PRRT4: variants seen among roughly 807,000 people sequenced by gnomAD.
The protein encoded by PRRT4 is proline-rich transmembrane protein 4.
PRRT4 carries 59 observed loss-of-function variants against 55.6 expected under a neutral mutation model. The ratio of observed to expected loss-of-function variants is 1.06; its 90% CI spans 0.86 to 1.32. PRRT4 has a LOEUF of 1.32. PRRT4 is among the 40% of genes most tolerant of loss of function. The pLI, the probability that PRRT4 is intolerant of heterozygous loss-of-function variation, is 0.00. For synonymous variants in PRRT4, 606 were observed against 601.8 expected (o/e 1.01, Z -0.10); for missense variants, 1,217 against 1,222.0 (o/e 1.00, Z 0.06).
exon 5 of PRRT4, chr7:128,352,085 G>T: frequency 8.5e-7 from 1 of 1,171,258 alleles, no homozygotes; most frequent in African/African-American, 1.6e-5. Flanking sequence ...AGGGGCCGCA[G>T]CGGGCGATGC....
chr7:128,357,435 A>C (rs1372810255), intron 4 of PRRT4, among the ~76,000 whole-genome samples: 1 of 152,140 alleles, frequency 6.6e-6, no homozygotes, highest in Non-Finnish European at 1.5e-5. Flanking sequence ...GATACTGTCC[A>C]GACTCATTAA....
rs1172252835 is a variant in PRRT4, at chr7:128,354,574, C to A, written c.878-1896G>T. Among the ~76,000 whole-genome samples, 6 of 144,156 alleles carry A rather than the reference C, an allele frequency of 4.2e-5. No individual in the cohort carries two copies. In the East Asian group the frequency reaches 1.2e-3, roughly 28 times the overall value. 94.6% of individuals were successfully genotyped at this position (144,156 alleles called of 152,430 possible). A position where few individuals can be genotyped will look rare whatever the true frequency, so the allele number is the denominator to read the frequency against. ...GCGAGACTCTGGCTCAAAAAAAACA[C>A]ACACACACACACACACACACACACA... On this transcript the variant is annotated intron_variant, in intron 4 of 4. Transcript: ENST00000535159.
At chr7:128,361,098 C>T (rs1193718355) in intron 1 of PRRT4, among the ~76,000 whole-genome samples, 1 of 136,710 alleles carries the variant, frequency 7.3e-6, no homozygotes, top group Non-Finnish European at 1.5e-5. Context: ...CTCTCTCTCT[C>T]TCTCTCACAC....
At chr7:128,359,007 C>T (rs960347701) in intron 3 of PRRT4, 142 bp downstream of exon 4, 124 of 1,187,828 alleles carry the variant, frequency 1.0e-4, no homozygotes, top group Non-Finnish European at 2.8e-5. Flanking sequence ...ATACTCCTTC[C>T]GTGGAAGTAG....
Position 128,351,985 on chromosome 7 carries a change from CG to C in PRRT4, c.1570del (p.Arg524GlyfsTer47). The stretch of plus-strand genomic sequence containing the variant: ...CCCTCCCAGGGGCGCCCCGGCCCGC[CG>C]CCGCCGCCCGCCCCAGCAGGAGAGC... On this transcript the variant is annotated frameshift_variant, in exon 5 of 5. Coordinates refer to ENST00000535159, the Ensembl canonical transcript of PRRT4. LOFTEE classifies it high-confidence loss of function. 1 of 1,301,408 alleles carries C rather than the reference CG, an allele frequency of 7.7e-7. No homozygotes were observed. The highest frequency in any genetic ancestry group is 9.8e-7 in the Non-Finnish European group (1 of 1,023,456). The allele number at this position is 1,301,408 out of a possible 1,614,324, so 80.6% of individuals were successfully genotyped here.
rs934162041 is a variant in PRRT4, at chr7:128,351,258, C to A, written c.2298G>T (p.Ser766=). 5.8e-6 allele frequency: 9 copies of A among 1,539,514 alleles called. No individual in the cohort carries two copies. The highest frequency in any genetic ancestry group is 4.9e-5 in the East Asian group (2 of 40,910). The change falls in exon 5 of 5, where the codon TCG becomes TCT. Residue 766 remains serine (S), a synonymous_variant. Coordinates refer to ENST00000535159, the Ensembl canonical transcript of PRRT4. The stretch of plus-strand genomic sequence containing the variant: ...CACTGGCCCTGCCCCCGGTCCCCAG[C>A]GAGGCGGTGCGGTAGAGTCCGAGCC...
intron 1 of PRRT4, 121 bp downstream of exon 2, chr7:128,361,185 C>T (rs1797247950): frequency 6.5e-6 from 1 of 153,232 alleles, no homozygotes; most frequent in East Asian, 1.9e-4. Context: ...CACATTCACA[C>T]ACACAGACAT....
At chr7:128,361,449 G>C (rs898793578) in intron 1 of PRRT4, 27 bp from the exon 2 acceptor site, 2 of 152,788 alleles carry the variant, frequency 1.3e-5, no homozygotes, top group African/African-American at 4.8e-5. Context: ...CCCGACTGAA[G>C]ATCCGGACCT....
chr7:128,351,545 C>G (rs1407149734), exon 5 of PRRT4: 2 of 1,482,800 alleles, frequency 1.3e-6, no homozygotes, highest in African/African-American at 2.9e-5. Flanking sequence ...AGCTCCGCGT[C>G]CCCGCGAGCG....
chr7:128,353,846 A>G (rs1204351293), intron 4 of PRRT4, among the ~76,000 whole-genome samples: 2 of 152,172 alleles, frequency 1.3e-5, no homozygotes, highest in Admixed American at 1.3e-4. Flanking sequence ...CTGTGCTCCA[A>G]TACCTTCCCA....
intron 4 of PRRT4, among the ~76,000 whole-genome samples, chr7:128,357,556 G>A (rs1388611465): frequency 3.3e-5 from 5 of 152,148 alleles, no homozygotes; most frequent in Non-Finnish European, 7.3e-5. Context: ...CCTGCTGCAC[G>A]CTGGGCTGGA....
exon 2 of PRRT4, chr7:128,359,690 A>G (rs1797199818): frequency 1.3e-6 from 2 of 1,551,340 alleles, no homozygotes; most frequent in African/African-American, 2.7e-5. Context: ...GCCCACCAGC[A>G]ATTCCCAAAG....
chr7:128,350,538 C>T (rs1796932711), downstream of PRRT4: 2 of 378,678 alleles, frequency 5.3e-6, no homozygotes, highest in South Asian at 2.6e-5. Context: ...TCTCACTCAG[C>T]ACCAGAGTGG....
chr7:128,357,236 A>ACTCTCTCT (rs60699919), intron 4 of PRRT4, among the ~76,000 whole-genome samples: 25 of 140,896 alleles, frequency 1.8e-4, no homozygotes, highest in African/African-American at 6.7e-4. Flanking sequence ...ACACACACAC[A>ACTCTCTCT]CTCTCTCTCT....
chr7:128,359,750 G>A (rs1263418758), exon 2 of PRRT4: 11 of 1,550,484 alleles, frequency 7.1e-6, no homozygotes, highest in Non-Finnish European at 9.6e-6. Flanking sequence ...CTCCTGGCCT[G>A]GCCCAAGAGA....
downstream of PRRT4, chr7:128,350,838 A>T (rs1358736353): frequency 6.5e-7 from 1 of 1,549,336 alleles, no homozygotes; most frequent in Admixed American, 2.0e-5. Flanking sequence ...ATCGCAGGGT[A>T]GCAAGGTGGC....
At chr7:128,354,237 G>A (rs940661236) in intron 4 of PRRT4, among the ~76,000 whole-genome samples, 1 of 152,216 alleles carries the variant, frequency 6.6e-6, no homozygotes, top group Non-Finnish European at 1.5e-5. Context: ...CCAGCCACAG[G>A]CAGGGTCAGC....
chr7:128,352,367 G>A, exon 5 of PRRT4: 1 of 1,525,302 alleles, frequency 6.6e-7, no homozygotes, highest in Non-Finnish European at 8.8e-7. Context: ...GCCAGGCAGG[G>A]GGCGCCGGGC....
At chr7:128,351,880 C>G (rs1467012447) in exon 5 of PRRT4, 20 of 1,326,156 alleles carry the variant, frequency 1.5e-5, no homozygotes, top group South Asian at 2.1e-5. Flanking sequence ...CGGGGCCGTG[C>G]GCGCCGCGCG....
Sources: gnomAD v4.1 joint callset for allele counts (sites outside exome capture counted in the v4.1 genomes callset) on GRCh38, gnomAD v4.1.1 for gene constraint, MANE v1.5 for transcripts, NCBI Gene and HGNC (gene_info 2026-07-23, HGNC 2026-07-21) for gene names.